The following KIF24 variants were observed in gnomAD, a reference collection of about 807,000 sequenced individuals.
KIF24 encodes kinesin-like protein KIF24.
Under a neutral mutation model 118.9 loss-of-function variants are expected in KIF24, and 81 were observed. The observed-to-expected ratio is 0.68, with a 90% CI of 0.57 to 0.82. The LOEUF (loss-of-function observed/expected upper bound fraction) is 0.82. Among genes scored for constraint, KIF24 ranks in the 40% least tolerant of loss-of-function variants. The pLI, the probability that KIF24 is intolerant of heterozygous loss-of-function variation, is 0.00. For synonymous variants in KIF24, 599 were observed against 610.0 expected (o/e 0.98, Z 0.27); for missense variants, 1,560 against 1,661.6 (o/e 0.94, Z 1.06).
In KIF24 at chr9:34,318,427, C is replaced by T. The variant is rs1275116461; in HGVS notation, c.-25-7056G>A. Reference sequence around the variant, plus strand: ...CCACGCGCTCCCTCCTGCTCCTCAGCGCCTTCTGCCTCCTGGCGGTGGCCT... The same window carrying T: ...CCACGCGCTCCCTCCTGCTCCTCAGTGCCTTCTGCCTCCTGGCGGTGGCCT... On this transcript the variant is annotated intron_variant, in intron 1 of 12. Transcript: ENST00000402558. The surrounding 1 kb of genome is among the most constrained non-coding windows in gnomAD (Gnocchi z 4.9). 7 of 708,040 alleles carry T rather than the reference C, an allele frequency of 9.9e-6. No homozygotes were observed. Among genetic ancestry groups the T allele is most frequent in the East Asian group, 7.8e-5 (3 of 38,304 alleles). The allele number at this position is 708,040 out of a possible 1,614,324, so 43.9% of individuals were successfully genotyped here. A position where few individuals can be genotyped will look rare whatever the true frequency, so the allele number is the denominator to read the frequency against.
intron 3 of KIF24, among the ~76,000 whole-genome samples, chr9:34,301,530 A>G (rs1836704832): frequency 6.6e-6 from 1 of 152,072 alleles, no homozygotes; most frequent in Admixed American, 6.6e-5. Flanking sequence ...TTATTTTTTA[A>G]GTAAGTTTTT....
At chr9:34,282,412 G>A (rs550160223) in intron 6 of KIF24, 36 of 152,134 alleles carry the variant, frequency 2.4e-4, no homozygotes, top group African/African-American at 8.0e-4. Context: ...TTTCATTTTG[G>A]GGTGATGAAA....
At chr9:34,259,921 C>T (rs570661047) in intron 9 of KIF24, among the ~76,000 whole-genome samples, 132 of 152,068 alleles carry the variant, frequency 8.7e-4, no homozygotes, top group Non-Finnish European at 1.5e-3. Context: ...TTAAAAAAAC[C>T]AATATTTTTA....
At chr9:34,332,691 C>G (rs1837978822), upstream of KIF24, among the ~76,000 whole-genome samples, 1 of 152,196 alleles carries the variant, frequency 6.6e-6, no homozygotes, top group African/African-American at 2.4e-5. Context: ...TTTCCTCCCT[C>G]AGCCAATAGC....
At position 34,318,778 on chromosome 9, in the gene KIF24, C is replaced by A; in HGVS notation, c.-25-7407G>T. The A allele has an allele frequency of 6.5e-7, 1 of 1,533,716 alleles. No homozygotes were observed. The highest frequency in any genetic ancestry group is 9.0e-7 in the Non-Finnish European group (1 of 1,112,418). On this transcript the variant is annotated intron_variant, in intron 1 of 12. Transcript: ENST00000402558. This position sits in a 1 kb window ranked among gnomAD's most constrained non-coding sequence, Gnocchi z 4.9. ...CACTCAGCAACTCCACCGCGCGCAA[C>A]GTGACCTGGAAGCTGTGCAGTCGCC...
intron 6 of KIF24, among the ~76,000 whole-genome samples, chr9:34,284,367 G>T (rs1835960034): frequency 6.6e-6 from 1 of 152,104 alleles, no homozygotes; most frequent in Non-Finnish European, 1.5e-5. Context: ...CATGTGCTCT[G>T]TACAGAAATA....
In KIF24 at chr9:34,256,241, CTTA is replaced by C; in HGVS notation, c.3363_3365del (p.Asn1121del). 2.5e-6 allele frequency: 4 copies of C among 1,604,700 alleles called. No individual in the cohort carries two copies. Among genetic ancestry groups the C allele is most frequent in the Non-Finnish European group, 3.4e-6 (4 of 1,174,988 alleles). On this transcript the variant is annotated inframe_deletion, in exon 11 of 13. Coordinates refer to ENST00000402558, the MANE Select transcript of KIF24 (RefSeq NM_194313.4). The stretch of plus-strand genomic sequence containing the variant: ...ACAGAGCTGGAAGATCACCACCAGG[CTTA>C]TTATCAGGGGGAGATGAGGACAGCC...
At chr9:34,301,592 T>C (rs956828137) in intron 3 of KIF24, among the ~76,000 whole-genome samples, 4 of 152,246 alleles carry the variant, frequency 2.6e-5, no homozygotes, top group South Asian at 2.1e-4. Context: ...TCCCAGCACC[T>C]TGAAAGGCTG....
At chr9:34,321,387 G>A (rs557165274) in intron 1 of KIF24, among the ~76,000 whole-genome samples, 21 of 151,662 alleles carry the variant, frequency 1.4e-4, no homozygotes, top group Non-Finnish European at 2.4e-4. Flanking sequence ...ACATCTATGA[G>A]TCTCTGCTTC....
rs2131651481 is a variant in KIF24 at position 34,254,514 on chromosome 9, C to T, written c.3973G>A (p.Glu1325Lys). The change falls in exon 13 of 13, where the codon GAA (glutamate) becomes AAA (lysine). Residue 1325 changes from glutamate (E) to lysine (K), a missense_variant. Physicochemically the swap from Glu to Lys is moderately conservative, Grantham distance 56. Transcript: ENST00000402558. ...TCATCCAGCTGGGTCACAAAATCTT[C>T]AAAATCCTGAGAAGGAAACAAGGGA... ...LMSQLASNDF[E>K]DFVTQLDEIM... The T allele has an allele frequency of 6.2e-7, 1 of 1,613,462 alleles. No homozygotes were observed. The highest frequency in any genetic ancestry group is 2.2e-5 in the East Asian group (1 of 44,874).
chr9:34,257,749 A>G lies in KIF24; in HGVS notation c.1858T>C (p.Phe620Leu), dbSNP rs764309556. 1 of 1,613,988 alleles carries G rather than the reference A, an allele frequency of 6.2e-7. No homozygotes were observed. The highest frequency in any genetic ancestry group is 8.5e-7 in the Non-Finnish European group (1 of 1,179,888). Residue 620 changes from phenylalanine to leucine, a missense_variant, in exon 11 of 13, where the codon TTT becomes CTT. By Grantham distance (22) the Phe-to-Leu change is conservative. Coordinates refer to ENST00000402558, the MANE Select transcript of KIF24 (RefSeq NM_194313.4). The stretch of plus-strand genomic sequence containing the variant: ...CCAGAGACCTTAGGTGCAGAAGTAA[A>G]AGGAATGTTGGGTGGGTGGCTGGTC... ...PLTSHPPNIP[F>L]TSAPKVSGKR...
Position 34,256,759 on chromosome 9 carries a change from G to A in KIF24, c.2848C>T (p.Gln950Ter), listed in dbSNP as rs1157214666. Residue 950 changes from glutamine to a stop codon, truncating the protein, a stop_gained, in exon 11 of 13, where the codon CAG (glutamine) becomes TAG (stop). Transcript: ENST00000402558. LOFTEE classifies it high-confidence loss of function. ...AAGGAAGAGCCTCCACCTCTTTCCT[G>A]TCTATATATGAAATCTACCTGTGAA... ...YCSQVDFIYR[Q>*]ERGGGSSFDL... 2.5e-6 allele frequency: 4 copies of A among 1,613,870 alleles called. No individual in the cohort carries two copies. The African/African-American group carries it at 5.3e-5, about 22-fold the overall frequency.
intron 3 of KIF24, among the ~76,000 whole-genome samples, chr9:34,299,495 T>C (rs1329163943): frequency 1.3e-5 from 2 of 151,800 alleles, no homozygotes; most frequent in East Asian, 3.9e-4. Context: ...TATTCTAATA[T>C]ATTATTTGCA....
chr9:34,268,145 T>G (rs933091698), intron 8 of KIF24, among the ~76,000 whole-genome samples: 2 of 152,156 alleles, frequency 1.3e-5, no homozygotes, highest in Admixed American at 1.3e-4. Flanking sequence ...TTAAAAAGTA[T>G]CTCTTTGAGA....
chr9:34,295,475 A>C (rs1413668811), intron 4 of KIF24, among the ~76,000 whole-genome samples: 1 of 152,080 alleles, frequency 6.6e-6, no homozygotes, highest in Non-Finnish European at 1.5e-5. Context: ...CCAGAAATTC[A>C]AGACTAGCCT....
At chr9:34,311,728 GTA>G (rs147847212) in intron 1 of KIF24, among the ~76,000 whole-genome samples, 133 of 142,934 alleles carry the variant, frequency 9.3e-4, no homozygotes, top group African/African-American at 3.0e-3. Context: ...GTATATACAC[GTA>G]TATATATACA....
upstream of KIF24, among the ~76,000 whole-genome samples, chr9:34,332,895 G>A (rs963453974): frequency 6.6e-6 from 1 of 152,144 alleles, no homozygotes; most frequent in Non-Finnish European, 1.5e-5. Flanking sequence ...TTTACTCATG[G>A]GTGGGTGCCT....
At chr9:34,296,283 T>C (rs575647081) in intron 4 of KIF24, among the ~76,000 whole-genome samples, 12 of 145,794 alleles carry the variant, frequency 8.2e-5, no homozygotes, top group African/African-American at 2.5e-4. Context: ...TCCCAGTACT[T>C]TGGGAGGCCG....
At chr9:34,258,441 G>C (rs1254220829) in intron 10 of KIF24, among the ~76,000 whole-genome samples, 2 of 152,200 alleles carry the variant, frequency 1.3e-5, no homozygotes, top group Non-Finnish European at 2.9e-5. Context: ...TTACACTCCA[G>C]CCTGGGTGAC....
Sources: gnomAD v4.1 joint callset for allele counts (sites outside exome capture counted in the v4.1 genomes callset) on GRCh38, gnomAD v4.1.1 for gene constraint, Gnocchi (gnomAD v3.1) non-coding constraint, MANE v1.5 for transcripts, NCBI Gene and HGNC (gene_info 2026-07-23, HGNC 2026-07-21) for gene names.